ELOVL2: variants seen among roughly 807,000 people sequenced by gnomAD.
The protein encoded by ELOVL2 is very long chain fatty acid elongase 2.
ELOVL2 carries 38 observed loss-of-function variants against 37.7 expected under a neutral mutation model. The observed-to-expected ratio is 1.01, with a 90% CI of 0.78 to 1.32. ELOVL2 has a LOEUF of 1.32. ELOVL2 is among the 40% of genes most tolerant of loss of function. The pLI, the probability that ELOVL2 is intolerant of heterozygous loss-of-function variation, is 0.00. For missense variants in ELOVL2, 352 were observed against 363.6 expected (o/e 0.97, Z 0.26); for synonymous variants, 115 against 122.3 (o/e 0.94, Z 0.40).
Position 10,995,062 on chromosome 6 carries a change from A to G in ELOVL2, c.450T>C (p.His150=). 1 of 1,613,566 alleles carries G rather than the reference A, an allele frequency of 6.2e-7. No homozygotes were observed. Among genetic ancestry groups the G allele is most frequent in the Non-Finnish European group, 8.5e-7 (1 of 1,179,556 alleles). Residue 150 remains histidine, a synonymous_variant, in exon 5 of 8, where the codon CAT becomes CAC. Coordinates refer to ENST00000354666, the MANE Select transcript of ELOVL2 (RefSeq NM_017770.4). The part of the protein sequence containing the change: ...SQITFLHVYH[H]ASMFNIWWCV... ...ACCACCAGATGTTAAACATAGAAGC[A>G]TGATGATATACATGAAGAAAAGTAA... is the stretch of plus-strand genomic sequence containing the variant.
intron 1 of ELOVL2, among the ~76,000 whole-genome samples, chr6:11,021,945 G>A (rs1044117554): frequency 6.6e-6 from 1 of 152,174 alleles, no homozygotes; most frequent in Non-Finnish European, 1.5e-5. Flanking sequence ...GTCAGATGCT[G>A]ACAGGGCTGC....
At chr6:10,993,530 A>G (rs573600947) in intron 5 of ELOVL2, among the ~76,000 whole-genome samples, 1 of 152,352 alleles carries the variant, frequency 6.6e-6, no homozygotes, top group South Asian at 2.1e-4. Context: ...CCATGTATAT[A>G]TTTTCATTTG....
intron 4 of ELOVL2, among the ~76,000 whole-genome samples, chr6:10,997,558 CTTTTA>C (rs1782291903): frequency 6.6e-6 from 1 of 152,070 alleles, no homozygotes; most frequent in African/African-American, 2.4e-5. Flanking sequence ...TCTTTCATGT[CTTTTA>C]TTTCTTAGAA....
intron 5 of ELOVL2, among the ~76,000 whole-genome samples, chr6:10,994,293 CCT>C (rs1782223571): frequency 6.6e-6 from 1 of 151,794 alleles, no homozygotes; most frequent in African/African-American, 2.4e-5. Context: ...ATAGTGAAAC[CCT>C]GTCTCTACTA....
intron 1 of ELOVL2, among the ~76,000 whole-genome samples, chr6:11,034,413 T>G (rs1782978057): frequency 6.7e-6 from 1 of 148,910 alleles, no homozygotes; most frequent in Admixed American, 6.7e-5. Context: ...CCGGGCATGG[T>G]GGCTCACGCC....
chr6:11,034,654 G>A (rs1336933814), intron 1 of ELOVL2, among the ~76,000 whole-genome samples: 1 of 151,976 alleles, frequency 6.6e-6, no homozygotes, highest in Non-Finnish European at 1.5e-5. Context: ...CTGCACTCCA[G>A]CCTGGGTGAC....
chr6:11,002,112 A>G (rs974276768), intron 3 of ELOVL2, among the ~76,000 whole-genome samples: 3 of 152,146 alleles, frequency 2.0e-5, no homozygotes, highest in African/African-American at 7.2e-5. Context: ...TTTCCATTAC[A>G]CTTAGAGTGC....
intron 3 of ELOVL2, among the ~76,000 whole-genome samples, chr6:11,001,264 C>T (rs1782375260): frequency 6.6e-6 from 1 of 152,178 alleles, no homozygotes; most frequent in African/African-American, 2.4e-5. Context: ...CTAACAAAAA[C>T]CCTTTCTGTT....
Position 10,989,723 on chromosome 6 carries a change from A to G in ELOVL2, c.745T>C (p.Phe249Leu). The G allele has an allele frequency of 6.2e-7, 1 of 1,614,062 alleles. No individual in the cohort carries two copies. The highest frequency in any genetic ancestry group is 8.5e-7 in the Non-Finnish European group (1 of 1,179,898). The change falls in exon 7 of 8, where the codon TTC becomes CTC. Residue 249 changes from phenylalanine (F) to leucine (L), a missense_variant. Phe to Leu is a conservative substitution (Grantham distance 22, BLOSUM62 0). Transcript: ENST00000354666. ...CGTACCTGAACGTAAAAATTTAAGAAGAGGATGACTAACGTTAGCATATAA... is the reference window on the plus strand; with the variant it reads ...CGTACCTGAACGTAAAAATTTAAGAGGAGGATGACTAACGTTAGCATATAA... ...SSYMLTLVILFLNFYVQTYRK... is the reference protein window; with the variant it reads ...SSYMLTLVILLLNFYVQTYRK...
intron 1 of ELOVL2, among the ~76,000 whole-genome samples, chr6:11,030,728 G>A (rs1291434601): frequency 2.6e-5 from 4 of 152,076 alleles, no homozygotes; most frequent in Admixed American, 6.6e-5. Flanking sequence ...TCCTGACCTC[G>A]TGATCTGCCC....
In ELOVL2 at chr6:11,002,066, A is replaced by G. The variant is rs111556860; in HGVS notation, c.256-1902T>C. Among the ~76,000 whole-genome samples the G allele has an allele frequency of 2.9e-3, 443 of 152,268 alleles. 2 individuals carry two copies. Among genetic ancestry groups the G allele is most frequent in the African/African-American group, 0.01 (425 of 41,552 alleles). On this transcript the variant is annotated intron_variant, in intron 3 of 7. Transcript: ENST00000354666. Reference sequence around the variant, plus strand: ...TAGAGTGATCTATTTTAAGAGGGAGATAATAGCACTCCCGTCATTAAAATC... The same window carrying G: ...TAGAGTGATCTATTTTAAGAGGGAGGTAATAGCACTCCCGTCATTAAAATC...
intron 5 of ELOVL2, among the ~76,000 whole-genome samples, chr6:10,992,376 A>G (rs1187075188): frequency 6.6e-6 from 1 of 151,994 alleles, no homozygotes; most frequent in Non-Finnish European, 1.5e-5. Context: ...CTTGAGAACA[A>G]GACAGTATCA....
rs771500197 is a variant in ELOVL2, at chr6:11,003,277, T to C, written c.255+2095A>G. On this transcript the variant is annotated intron_variant, in intron 3 of 7. Transcript: ENST00000354666. ...GGTTTTAAGCCCCACATGCATTAGG[T>C]ATTTGTCCCAGTGCTCTCCCTACCC... 3.2e-4 allele frequency among the ~76,000 whole-genome samples: 48 copies of C among 152,152 alleles called. 1 individual carries two copies. The highest frequency in any genetic ancestry group is 5.9e-5 in the Non-Finnish European group (4 of 68,030).
chr6:11,014,604 T>C (rs1478855228), intron 1 of ELOVL2, among the ~76,000 whole-genome samples: 1 of 150,744 alleles, frequency 6.6e-6, no homozygotes, highest in Non-Finnish European at 1.5e-5. Flanking sequence ...TCTCCAGCAG[T>C]AGTCACTGTT....
chr6:11,038,827 G>C (rs1481376774), intron 1 of ELOVL2, among the ~76,000 whole-genome samples: 2 of 152,106 alleles, frequency 1.3e-5, no homozygotes, highest in Non-Finnish European at 2.9e-5. Context: ...TGCTCAAACT[G>C]AATTGTGATA....
chr6:10,990,845 CAA>C (rs753257291), intron 5 of ELOVL2, among the ~76,000 whole-genome samples: 21 of 152,300 alleles, frequency 1.4e-4, no homozygotes, highest in Non-Finnish European at 2.5e-4. Context: ...GACATATTGA[CAA>C]AGAGCCTTTT....
chr6:11,021,825 C>A (rs1487219371), intron 1 of ELOVL2, among the ~76,000 whole-genome samples: 1 of 152,114 alleles, frequency 6.6e-6, no homozygotes, highest in African/African-American at 2.4e-5. Flanking sequence ...GCTGCTGGCT[C>A]ACCTTTTGGC....
At chr6:10,999,999 C>G in intron 4 of ELOVL2, 88 bp downstream of exon 4, 3 of 1,150,378 alleles carry the variant, frequency 2.6e-6, no homozygotes, top group Non-Finnish European at 3.9e-6. Context: ...CTAATTCTAG[C>G]CTCAGCCCTC....
At chr6:11,008,891 G>A (rs1782524434) in intron 2 of ELOVL2, among the ~76,000 whole-genome samples, 1 of 152,204 alleles carries the variant, frequency 6.6e-6, no homozygotes, top group Non-Finnish European at 1.5e-5. Flanking sequence ...AAATACTCAA[G>A]TGATTGTTTA....
Sources: gnomAD v4.1 joint callset for allele counts (sites outside exome capture counted in the v4.1 genomes callset) on GRCh38, gnomAD v4.1.1 for gene constraint, MANE v1.5 for transcripts, NCBI Gene and HGNC (gene_info 2026-07-23, HGNC 2026-07-21) for gene names.